SEL1L3: variants seen among roughly 807,000 people sequenced by gnomAD.
The protein encoded by SEL1L3 is SEL1L family member 3.
In SEL1L3, 76 loss-of-function variants were observed where a neutral mutation model predicts 142.8. The ratio of observed to expected loss-of-function variants is 0.53; its 90% confidence interval spans 0.44 to 0.64. The LOEUF (loss-of-function observed/expected upper bound fraction) is 0.64. SEL1L3 is among the 30% of genes least tolerant of loss of function. SEL1L3 has a pLI of 0.00. For synonymous variants in SEL1L3, 504 were observed against 519.6 expected, an observed-to-expected ratio of 0.97 and a Z score of 0.41; for missense variants, 1,262 against 1,381.7, an observed-to-expected ratio of 0.91 and a Z score of 1.37.
chr4:25,733,815 A>C, the SEL1L3 span, among the ~76,000 whole-genome samples: 41 of 152,050 alleles, frequency 2.7e-4, no homozygotes, highest in Middle Eastern at 3.4e-3. Flanking sequence ...GCGTCGGGCC[A>C]GTTTGTTTGT....
chr4:25,855,429 A>G (rs1717188324), intron 1 of SEL1L3, among the ~76,000 whole-genome samples: 1 of 152,186 alleles, frequency 6.6e-6, no homozygotes. Context: ...AGTCTGACAC[A>G]CAGTAAGAAT....
chr4:25,780,920 G>A lies in SEL1L3; in HGVS notation c.2457+1322C>T, dbSNP rs112574307. 4.3e-3 allele frequency among the ~76,000 whole-genome samples: 649 copies of A among 151,154 alleles called. 6 individuals carry two copies. Among genetic ancestry groups the A allele is most frequent in the African/African-American group, 0.015 (612 of 41,214 alleles). On this transcript the variant is annotated intron_variant, in intron 15 of 23. Coordinates refer to ENST00000399878, the MANE Select transcript of SEL1L3 (RefSeq NM_015187.5). ...AGCTCACTACAACCTCTGCCTCCGG[G>A]GTTCCAGTGATTCTCCTGCCTCAGC...
chr4:25,765,872 C>T (rs1243645017), intron 19 of SEL1L3, among the ~76,000 whole-genome samples: 2 of 152,076 alleles, frequency 1.3e-5, no homozygotes, highest in Non-Finnish European at 2.9e-5. Context: ...CTCCTGGACT[C>T]AAGCAATCCT....
intron 13 of SEL1L3, 75 bp from the exon 14 acceptor site, chr4:25,784,365 G>T (rs1426635402): frequency 1.8e-6 from 2 of 1,136,542 alleles, no homozygotes; most frequent in Non-Finnish European, 2.6e-6. Context: ...TTTAGTGTTG[G>T]ATATAAAATA....
downstream of SEL1L3, among the ~76,000 whole-genome samples, chr4:25,745,263 C>T (rs1717224833): frequency 6.6e-6 from 1 of 152,028 alleles, no homozygotes. Flanking sequence ...GGCATGGTGG[C>T]ACATGCCTGT....
chr4:25,802,443 A>G lies in SEL1L3; in HGVS notation c.1796T>C (p.Val599Ala). 1 of 1,613,370 alleles carries G rather than the reference A, an allele frequency of 6.2e-7. No homozygotes were observed. Residue 599 changes from valine to alanine, a missense_variant, in exon 11 of 24, where the codon GTT (valine) becomes GCT (alanine). Around this residue, in one of 3 missense-constraint regions of SEL1L3, gnomAD observed 435 missense variants for 559.2 expected, o/e 0.78. Transcript: ENST00000399878. ...DQLQGMLYSLVGGQGSERLSS... is the reference protein window; with the variant it reads ...DQLQGMLYSLAGGQGSERLSS... ...CAGCCTCTCACTCCCCTGGCCTCCA[A>G]CCAAACTATACAACATGCCCTGTTA...
the SEL1L3 span, among the ~76,000 whole-genome samples, chr4:25,736,306 C>A: frequency 1.3e-5 from 2 of 151,152 alleles, no homozygotes; most frequent in Non-Finnish European, 2.9e-5. Context: ...TCACTGCAAC[C>A]TCCGCCTCCT....
Position 25,819,811 on chromosome 4 carries a change from C to T in SEL1L3, c.1420G>A (p.Ala474Thr). The T allele has an allele frequency of 6.2e-7, 1 of 1,611,292 alleles. No homozygotes were observed. Residue 474 changes from alanine (A) to threonine (T), a missense_variant, in exon 8 of 24, where the codon GCA becomes ACA. By Grantham distance (58) the Ala-to-Thr change is moderately conservative (BLOSUM62 0). Coordinates refer to ENST00000399878, the MANE Select transcript of SEL1L3 (RefSeq NM_015187.5). ...AAKHGGERQE[A>T]CHLHNSYLDL... ...TCCCCTGAAGCTCAACACTTACATG[C>T]TTCTTGTCTCTCGCCCCCGTGCTTT...
intron 20 of SEL1L3, among the ~76,000 whole-genome samples, chr4:25,761,736 T>C (rs1380364072): frequency 2.0e-5 from 3 of 152,218 alleles, no homozygotes; most frequent in Non-Finnish European, 2.9e-5. Context: ...TCATCACTAG[T>C]AATTAAGTAA....
chr4:25,777,726 T>C (rs1719729472), intron 16 of SEL1L3: 2 of 429,972 alleles, frequency 4.7e-6, no homozygotes, highest in Non-Finnish European at 9.3e-6. Flanking sequence ...TCATGTCAAA[T>C]ATACTAAATA....
In SEL1L3 at chr4:25,818,165, C is replaced by A. The variant is rs190624648; in HGVS notation, c.1537G>T (p.Ala513Ser). The change falls in exon 9 of 24, where the codon GCA becomes TCA. Residue 513 changes from alanine (A) to serine (S), a missense_variant. By Grantham distance (99) the Ala-to-Ser change is moderately conservative (BLOSUM62 1). Coordinates refer to ENST00000399878, the MANE Select transcript of SEL1L3 (RefSeq NM_015187.5). ...GTCAGCAGATCCATCTCCAGCAATGCCTGGAACAAGCTGGGGTGTTTGTCT... is the reference window on the plus strand; with the variant it reads ...GTCAGCAGATCCATCTCCAGCAATGACTGGAACAAGCTGGGGTGTTTGTCT... ...LKDKHPSLFQ[A>S]LLEMDLLTVP... 1.4e-5 allele frequency: 22 copies of A among 1,611,298 alleles called. No homozygotes were observed. In the Admixed American group the frequency reaches 3.2e-4, roughly 23 times the overall value.
chr4:25,793,308 G>A (rs1240069988), intron 11 of SEL1L3, among the ~76,000 whole-genome samples: 1 of 151,830 alleles, frequency 6.6e-6, no homozygotes, highest in Non-Finnish European at 1.5e-5. Context: ...TCTGAGACAG[G>A]GTCTCACTCT....
At chr4:25,758,894 T>C in intron 21 of SEL1L3, 47 bp downstream of exon 21, 1 of 1,564,402 alleles carries the variant, frequency 6.4e-7, no homozygotes, top group South Asian at 1.2e-5. Flanking sequence ...GAACATCATC[T>C]ACTTGGGTTC....
chr4:25,815,791 T>TG (rs1490210619), intron 9 of SEL1L3, among the ~76,000 whole-genome samples: 1 of 151,196 alleles, frequency 6.6e-6, no homozygotes, highest in Non-Finnish European at 1.5e-5. Flanking sequence ...GGTTCTCAGC[T>TG]GGGGGTGATT....
In SEL1L3 at chr4:25,835,339, T is replaced by C. The variant is rs1177684903; in HGVS notation, c.734-16A>G. The C allele has an allele frequency of 5.0e-6, 8 of 1,612,908 alleles. No individual in the cohort carries two copies. Among genetic ancestry groups the C allele is most frequent in the Non-Finnish European group, 6.8e-6 (8 of 1,179,158 alleles). On this transcript the variant is annotated splice_polypyrimidine_tract_variant and intron_variant, in intron 2 of 23. Transcript: ENST00000399878. ...GCAACCACATCTGCAAACAGCAAAA[T>C]GGCTCCCTTTCAATTATATCCAGAA...
intron 17 of SEL1L3, among the ~76,000 whole-genome samples, chr4:25,775,861 C>T (rs1218406243): frequency 6.6e-6 from 1 of 152,140 alleles, no homozygotes; most frequent in African/African-American, 2.4e-5. Context: ...TGGCCTGAAC[C>T]TTAAACACTG....
chr4:25,749,960 G>A (rs1015397375), intron 23 of SEL1L3, among the ~76,000 whole-genome samples: 1 of 151,556 alleles, frequency 6.6e-6, no homozygotes. Flanking sequence ...CAGGCCGGGC[G>A]CCGTGGCTCA....
At chr4:25,863,435 C>G, upstream of SEL1L3, 1 of 700,750 alleles carries the variant, frequency 1.4e-6, no homozygotes. Context: ...CCCACCCACC[C>G]CTTTTGCGGG....
chr4:25,756,636 C>T (rs1717980933), intron 23 of SEL1L3: 1 of 1,001,860 alleles, frequency 1.0e-6, no homozygotes, highest in African/African-American at 1.7e-5. Flanking sequence ...GACTCTAAGC[C>T]CAAACAGAAG....
Sources: gnomAD v4.1 joint callset for allele counts (sites outside exome capture counted in the v4.1 genomes callset) on GRCh38, gnomAD v4.1.1 for gene constraint, gnomAD v4.1.1 regional missense constraint, MANE v1.5 for transcripts, NCBI Gene and HGNC (gene_info 2026-07-23, HGNC 2026-07-21) for gene names.